NBPF26: variants seen among roughly 807,000 people sequenced by gnomAD.
NBPF26 encodes NBPF family member NBPF26.
A neutral mutation model predicts 119.6 loss-of-function variants in NBPF26; 79 were observed. The ratio of observed to expected loss-of-function variants is 0.66; its 90% confidence interval spans 0.55 to 0.80. The LOEUF is 0.80. Among genes scored for constraint, NBPF26 ranks in the 30% least tolerant of loss-of-function variants. The probability of loss-of-function intolerance (pLI) is 0.00; values close to 1 mark genes in which losing one functional copy is unlikely to be tolerated. For missense variants in NBPF26, 800 were observed against 1,198.2 expected (o/e 0.67, Z 4.91); for synonymous variants, 299 against 457.7 (o/e 0.65, Z 4.43).
rs1235696760 is a variant in NBPF26, at chr1:120,756,694, C to T, written c.74-6934C>T. ...TAGAGATTCCTAAAACAAAGGGAGGCTTTTAAGCCAGTGATATGTAGCTGG... is the reference window on the plus strand; with the variant it reads ...TAGAGATTCCTAAAACAAAGGGAGGTTTTTAAGCCAGTGATATGTAGCTGG... On this transcript the variant is annotated intron_variant, in intron 1 of 29. Coordinates refer to ENST00000620612, the Ensembl canonical transcript of NBPF26. Among the ~76,000 whole-genome samples, 2 of 116,900 alleles carry T rather than the reference C, an allele frequency of 1.7e-5. 1 individual carries two copies. Among genetic ancestry groups the T allele is most frequent in the Non-Finnish European group, 3.3e-5 (2 of 61,090 alleles). 76.7% of individuals were successfully genotyped at this position (116,900 alleles called of 152,430 possible). A position where few individuals can be genotyped will look rare whatever the true frequency, so the allele number is the denominator to read the frequency against.
At chr1:120,823,750 C>CTGTG (rs1257120112) in intron 17 of NBPF26, among the ~76,000 whole-genome samples, 3 of 32,492 alleles carry the variant, frequency 9.2e-5, no homozygotes, top group Non-Finnish European at 1.8e-4. Context: ...ACTGAGCTCG[C>CTGTG]TCTGTGTGTG....
chr1:120,814,743 C>T (rs1651968280), intron 11 of NBPF26, 86 bp from the exon 12 acceptor site: 4 of 849,608 alleles, frequency 4.7e-6, no homozygotes, highest in South Asian at 1.4e-5. Flanking sequence ...TCCTTGAGGA[C>T]ATTGTCTCAG....
chr1:120,818,568 T>C (rs1347945560), intron 15 of NBPF26, among the ~76,000 whole-genome samples: 1 of 126,852 alleles, frequency 7.9e-6, no homozygotes, highest in South Asian at 2.4e-4. Flanking sequence ...ATTTTAATTG[T>C]GATGTTAGGG....
chr1:120,734,403 T>G lies in NBPF26; in HGVS notation c.73+10153T>G, dbSNP rs1320997363. On this transcript the variant is annotated intron_variant, in intron 1 of 29. Coordinates refer to ENST00000620612, the Ensembl canonical transcript of NBPF26. ...AAACCTATTTGAAGGATTACAATAT[T>G]TTCTTTTTTTTTTTTTTAATGGTGT... Among the ~76,000 whole-genome samples, 25 of 91,904 alleles carry G rather than the reference T, an allele frequency of 2.7e-4. 5 individuals are homozygous for G. Among genetic ancestry groups the G allele is most frequent in the Middle Eastern group, 4.1e-3 (1 of 246 alleles). 60.3% of individuals were successfully genotyped at this position (91,904 alleles called of 152,430 possible).
At chr1:120,822,956 T>C (rs1302519083) in intron 16 of NBPF26, among the ~76,000 whole-genome samples, 2 of 126,356 alleles carry the variant, frequency 1.6e-5, no homozygotes, top group Non-Finnish European at 3.2e-5. Flanking sequence ...TATCAAATTC[T>C]GGGTATTTAA....
chr1:120,724,816 C>T (rs1306003357), intron 1 of NBPF26, among the ~76,000 whole-genome samples: 3 of 94,640 alleles, frequency 3.2e-5, no homozygotes, highest in East Asian at 4.7e-4. Flanking sequence ...CCAACCCCAC[C>T]GAAAGTCCGG....
Position 120,811,239 on chromosome 1 carries a change from C to T in NBPF26, c.1565-647C>T, listed in dbSNP as rs1235481085. ...CTCCAGCCTGGGAGACAGAGCGAGA[C>T]TCCATCTCAAAAAAAAAAAGTCTCT... On this transcript the variant is annotated intron_variant, in intron 9 of 29. Transcript: ENST00000620612. 1.9e-5 allele frequency among the ~76,000 whole-genome samples: 2 copies of T among 104,086 alleles called. 1 individual carries two copies. Among genetic ancestry groups the T allele is most frequent in the Non-Finnish European group, 3.6e-5 (2 of 54,876 alleles). 68.3% of individuals were successfully genotyped at this position (104,086 alleles called of 152,430 possible). A position where few individuals can be genotyped will look rare whatever the true frequency, so the allele number is the denominator to read the frequency against.
intron 1 of NBPF26, among the ~76,000 whole-genome samples, chr1:120,752,562 T>A (rs1651034134): frequency 1.7e-3 from 40 of 22,864 alleles, no homozygotes; most frequent in East Asian, 0.011. Flanking sequence ...ATATTTTTTT[T>A]TTTTTTTTTT....
intron 14 of NBPF26, 131 bp downstream of exon 14, chr1:120,816,958 GT>G (rs1472996122): frequency 1.7e-6 from 2 of 1,154,112 alleles, no homozygotes; most frequent in Admixed American, 2.4e-5. Flanking sequence ...ATATCAGGGA[GT>G]TTTTTGTCCT....
Position 120,752,859 on chromosome 1 carries a change from C to A in NBPF26, c.74-10769C>A, listed in dbSNP as rs1651042040. On this transcript the variant is annotated intron_variant, in intron 1 of 29. Coordinates refer to ENST00000620612, the Ensembl canonical transcript of NBPF26. ...AAAGTGCTGGGATTAAAGACATGAGCCACCGCGCCTGTCCGTTTAGGGCTA... is the reference window on the plus strand; with the variant it reads ...AAAGTGCTGGGATTAAAGACATGAGACACCGCGCCTGTCCGTTTAGGGCTA... Among the ~76,000 whole-genome samples, 2 of 12,110 alleles carry A rather than the reference C, an allele frequency of 1.7e-4. 1 individual carries two copies. Among genetic ancestry groups the A allele is most frequent in the Non-Finnish European group, 2.5e-4 (2 of 7,856 alleles). The allele number at this position is 12,110 out of a possible 152,430, so 7.9% of individuals were successfully genotyped here. A position where few individuals can be genotyped will look rare whatever the true frequency, so the allele number is the denominator to read the frequency against.
chr1:120,802,506 G>A lies in NBPF26; in HGVS notation c.752-3050G>A, dbSNP rs1166099223. On this transcript the variant is annotated intron_variant, in intron 4 of 29. Transcript: ENST00000620612. ...GTACAACAGAGACATGAGCCCTTCGGGACACATGCCTGAGGTAGTGACAGT... is the reference window on the plus strand; with the variant it reads ...GTACAACAGAGACATGAGCCCTTCGAGACACATGCCTGAGGTAGTGACAGT... Among the ~76,000 whole-genome samples, 8 of 125,248 alleles carry A rather than the reference G, an allele frequency of 6.4e-5. No homozygotes were observed. In the East Asian group the frequency reaches 1.0e-3, roughly 16 times the overall value. 82.2% of individuals were successfully genotyped at this position (125,248 alleles called of 152,430 possible).
At position 120,806,680 on chromosome 1, in the gene NBPF26, G is replaced by A. The variant is rs1161385111; in HGVS notation, c.961+915G>A. Among the ~76,000 whole-genome samples, 8 of 121,490 alleles carry A rather than the reference G, an allele frequency of 6.6e-5. 2 individuals carry two copies. The highest frequency in any genetic ancestry group is 2.0e-4 in the African/African-American group (5 of 24,846). The allele number at this position is 121,490 out of a possible 152,430, so 79.7% of individuals were successfully genotyped here. Reference sequence around the variant, plus strand: ...TGAGAGTGAAGTCCTGCTTCCTGGTGCACAGGCTCTTGTTCCTAAAGAGGA... The same window carrying A: ...TGAGAGTGAAGTCCTGCTTCCTGGTACACAGGCTCTTGTTCCTAAAGAGGA... On this transcript the variant is annotated intron_variant, in intron 5 of 29. Transcript: ENST00000620612.
intron 1 of NBPF26, among the ~76,000 whole-genome samples, chr1:120,756,315 GC>G (rs1337775710): frequency 8.6e-6 from 1 of 116,178 alleles, no homozygotes; most frequent in Non-Finnish European, 1.7e-5. Flanking sequence ...AGATCCTAGG[GC>G]GTAAACTCAG....
intron 2 of NBPF26, among the ~76,000 whole-genome samples, chr1:120,770,385 G>A (rs1259304832): frequency 9.0e-6 from 1 of 110,766 alleles, no homozygotes; most frequent in East Asian, 2.2e-4. Context: ...TAGCCAGGAT[G>A]GTCTCTATCT....
In NBPF26 at chr1:120,805,576, G is replaced by T. The variant is rs1553269689; in HGVS notation, c.772G>T (p.Ala258Ser). 56 of 1,445,258 alleles carry T rather than the reference G, an allele frequency of 3.9e-5. 17 individuals carry two copies. Among genetic ancestry groups the T allele is most frequent in the Non-Finnish European group, 5.2e-5 (55 of 1,066,746 alleles). The allele number at this position is 1,445,258 out of a possible 1,614,324, so 89.5% of individuals were successfully genotyped here. The change falls in exon 5 of 30, where the codon GCC becomes TCC. Residue 258 changes from alanine (A) to serine (S), a missense_variant. Ala to Ser is a moderately conservative substitution (Grantham distance 99). Coordinates refer to ENST00000620612, the Ensembl canonical transcript of NBPF26. ...CCCAGTCCCTGACTCCACCTCTTCT[G>T]CCACAAACGTCAGCATGGTGGTATC...
rs1361872505 is a variant in NBPF26 at position 120,794,150 on chromosome 1, T to C, written c.751+654T>C. Among the ~76,000 whole-genome samples the C allele has an allele frequency of 6.1e-5, 7 of 114,768 alleles. 1 individual carries two copies. In the South Asian group the frequency reaches 7.6e-4, roughly 12 times the overall value. The allele number at this position is 114,768 out of a possible 152,430, so 75.3% of individuals were successfully genotyped here. The stretch of plus-strand genomic sequence containing the variant: ...GATAGATGATATATGAGAGACTATG[T>C]GTGGCACAATACTTTGTTACACTCT... On this transcript the variant is annotated intron_variant, in intron 4 of 29. Coordinates refer to ENST00000620612, the Ensembl canonical transcript of NBPF26.
intron 16 of NBPF26, among the ~76,000 whole-genome samples, chr1:120,822,917 C>G (rs1373126267): frequency 1.6e-5 from 2 of 124,456 alleles, no homozygotes; most frequent in South Asian, 2.4e-4. Context: ...ACCCTTTCAT[C>G]AAATCTCTGT....
rs1449791984 is a variant in NBPF26, at chr1:120,760,273, C to T, written c.74-3355C>T. ...AGCAATCTCGGCTCACTGCAACCTC[C>T]GCCCCCCAGGTTCAAGTGATTCTCC... On this transcript the variant is annotated intron_variant, in intron 1 of 29. Coordinates refer to ENST00000620612, the Ensembl canonical transcript of NBPF26. 1.2e-4 allele frequency among the ~76,000 whole-genome samples: 9 copies of T among 76,566 alleles called. 1 individual carries two copies. In the South Asian group the frequency reaches 1.5e-3, roughly 12 times the overall value. The allele number at this position is 76,566 out of a possible 152,430, so 50.2% of individuals were successfully genotyped here.
Position 120,724,059 on chromosome 1 carries a change from TGAAGCA to T in NBPF26, c.-117_-112del, listed in dbSNP as rs1650784562. On this transcript the variant is annotated 5_prime_UTR_variant, in exon 1 of 30. Transcript: ENST00000620612. ...AGCGTAGCGCCAGGGCCTGAGCCTT[TGAAGCA>T]GGAGGAGGGGAGGAGAGAGTGGGGC... The T allele has an allele frequency of 2.3e-6, 3 of 1,283,972 alleles. 1 individual carries two copies. The highest frequency in any genetic ancestry group is 9.9e-7 in the Non-Finnish European group (1 of 1,010,612). The allele number at this position is 1,283,972 out of a possible 1,614,324, so 79.5% of individuals were successfully genotyped here.
Sources: allele counts gnomAD v4.1 joint callset (sites outside exome capture counted in the v4.1 genomes callset), GRCh38; gene constraint gnomAD v4.1.1; transcripts MANE v1.5; gene names NCBI Gene and HGNC (gene_info 2026-07-23, HGNC 2026-07-21).